JPH2: variants seen among roughly 807,000 people sequenced by gnomAD.
JPH2 encodes junctophilin 2.
In JPH2, 38 loss-of-function variants were observed where a neutral mutation model predicts 55.9. The observed-to-expected ratio is 0.68, with a 90% CI of 0.52 to 0.89. JPH2 has a LOEUF of 0.89. Ranked by LOEUF, JPH2 falls within the 40% of genes least tolerant of loss-of-function variation. JPH2 has a pLI of 0.00. For missense variants in JPH2, 964 were observed against 1,037.6 expected (o/e 0.93, Z 0.97); for synonymous variants, 480 against 472.4 (o/e 1.02, Z -0.21).
At chr20:44,116,499 T>C (rs2072194195) in intron 3 of JPH2, 113 bp from the exon 4 acceptor site, 12 of 1,216,212 alleles carry the variant, frequency 9.9e-6, no homozygotes, top group Non-Finnish European at 1.4e-5. Context: ...GGCACTCACA[T>C]AGCACTGACC....
intron 2 of JPH2, among the ~76,000 whole-genome samples, chr20:44,142,495 C>T (rs1251325257): frequency 6.6e-6 from 1 of 152,158 alleles, no homozygotes; most frequent in East Asian, 1.9e-4. Context: ...AGCACATGCC[C>T]ACCTCAGAGC....
chr20:44,116,826 G>A (rs1198887839), intron 3 of JPH2, among the ~76,000 whole-genome samples: 1 of 152,210 alleles, frequency 6.6e-6, no homozygotes, highest in East Asian at 1.9e-4. Flanking sequence ...TCAGGGCCCC[G>A]CACCGGCATA....
Position 44,160,148 on chromosome 20 carries a change from C to T in JPH2, c.639G>A (p.Arg213=). 2 of 1,432,820 alleles carry T rather than the reference C, an allele frequency of 1.4e-6. No homozygotes were observed. The highest frequency in any genetic ancestry group is 1.4e-5 in the South Asian group (1 of 71,028). The allele number at this position is 1,432,820 out of a possible 1,614,324, so 88.8% of individuals were successfully genotyped here. A position where few individuals can be genotyped will look rare whatever the true frequency, so the allele number is the denominator to read the frequency against. The part of the protein sequence containing the change: ...SLLANAEAAA[R]APKGGGLFQR... ...GGAAGAGGCCGCCGCCCTTGGGCGCCCGCGCGGCCGCCTCGGCATTGGCCA... is the reference window on the plus strand; with the variant it reads ...GGAAGAGGCCGCCGCCCTTGGGCGCTCGCGCGGCCGCCTCGGCATTGGCCA... The change falls in exon 2 of 6, where the codon CGG becomes CGA. Residue 213 remains arginine, a synonymous_variant. Coordinates refer to ENST00000372980, the MANE Select transcript of JPH2 (RefSeq NM_020433.5). This position sits in a 1 kb window ranked among gnomAD's most constrained non-coding sequence, Gnocchi z 4.9.
Position 44,116,197 on chromosome 20 carries a change from T to C in JPH2, c.1478A>G (p.Gln493Arg). 1 of 1,390,430 alleles carries C rather than the reference T, an allele frequency of 7.2e-7. No individual in the cohort carries two copies. The highest frequency in any genetic ancestry group is 9.2e-7 in the Non-Finnish European group (1 of 1,084,016). 86.1% of individuals were successfully genotyped at this position (1,390,430 alleles called of 1,614,324 possible). ...GSPSPAGTPPQPKRPRPGVSK... is the reference protein window; with the variant it reads ...GSPSPAGTPPRPKRPRPGVSK... The stretch of plus-strand genomic sequence containing the variant: ...CACCCCGGGCCTGGGCCGCTTGGGC[T>C]GCGGGGGCGTCCCGGCCGGTGACGG... Residue 493 changes from glutamine (Q) to arginine (R), a missense_variant, in exon 4 of 6, where the codon CAG (glutamine) becomes CGG (arginine). Gln to Arg is a conservative substitution (Grantham distance 43). Coordinates refer to ENST00000372980, the MANE Select transcript of JPH2 (RefSeq NM_020433.5).
chr20:44,159,695 C>G lies in JPH2; in HGVS notation c.1092G>C (p.Gln364His). The G allele has an allele frequency of 6.2e-7, 1 of 1,613,132 alleles. No homozygotes were observed. The highest frequency in any genetic ancestry group is 8.5e-7 in the Non-Finnish European group (1 of 1,179,970). ...MLQLKSNKVR[Q>H]KVEHSVEGAQ... ...CACCCTCCACACTGTGCTCCACTTT[C>G]TGGCGGACCTTGTTGCTCTTGAGCT... The change falls in exon 2 of 6, where the codon CAG becomes CAC. Residue 364 changes from glutamine to histidine, a missense_variant. By Grantham distance (24) the Gln-to-His change is conservative. Coordinates refer to ENST00000372980, the MANE Select transcript of JPH2 (RefSeq NM_020433.5). This position sits in a 1 kb window ranked among gnomAD's most constrained non-coding sequence, Gnocchi z 5.7.
intron 2 of JPH2, among the ~76,000 whole-genome samples, chr20:44,142,962 G>A (rs2072468079): frequency 6.6e-6 from 1 of 152,116 alleles, no homozygotes; most frequent in African/African-American, 2.4e-5. Flanking sequence ...ACCTGGGACT[G>A]GGGAGCCGGG....
In JPH2 at chr20:44,113,462, C is replaced by G. The variant is rs2072161698; in HGVS notation, c.*56G>C. ...TCTTTGGCCACCCTGCCTGGCACTG[C>G]AAAAAGACGGGTCCTCATGTCCTCA... On this transcript the variant is annotated 3_prime_UTR_variant, in exon 6 of 6. Coordinates refer to ENST00000372980, the MANE Select transcript of JPH2 (RefSeq NM_020433.5). The G allele has an allele frequency of 6.6e-6, 1 of 152,242 alleles. No homozygotes were observed. Among genetic ancestry groups the G allele is most frequent in the Admixed American group, 6.5e-5 (1 of 15,272 alleles). The allele number at this position is 152,242 out of a possible 1,614,324, so 9.4% of individuals were successfully genotyped here.
intron 2 of JPH2, among the ~76,000 whole-genome samples, chr20:44,153,197 G>T (rs2072543381): frequency 6.6e-6 from 1 of 152,178 alleles, no homozygotes; most frequent in Non-Finnish European, 1.5e-5. Flanking sequence ...GAATGACACA[G>T]GATTGATAAT....
chr20:44,134,925 T>A (rs796990515), intron 2 of JPH2, among the ~76,000 whole-genome samples: 3 of 44,484 alleles, frequency 6.7e-5, no homozygotes, highest in East Asian at 7.4e-4. Flanking sequence ...ATATATATAT[T>A]TATATATATA....
Position 44,116,125 on chromosome 20 carries a change from C to T in JPH2, c.1550G>A (p.Ser517Asn), listed in dbSNP as rs1372245047. The T allele has an allele frequency of 3.4e-6, 5 of 1,451,192 alleles. No individual in the cohort carries two copies. Among genetic ancestry groups the T allele is most frequent in the South Asian group, 2.8e-5 (2 of 70,228 alleles). The allele number at this position is 1,451,192 out of a possible 1,614,324, so 89.9% of individuals were successfully genotyped here. The change falls in exon 4 of 6, where the codon AGC becomes AAC. Residue 517 changes from serine (S) to asparagine (N), a missense_variant. Coordinates refer to ENST00000372980, the MANE Select transcript of JPH2 (RefSeq NM_020433.5). The stretch of plus-strand genomic sequence containing the variant: ...AGTGACTGACCGGCTGCCCTCACCG[C>T]TGGGCTCGCCGTTCCAGGCGCCTGG... Reference protein sequence around the residue: ...LSPGAWNGEPSGEGSRSVTPS... With the variant: ...LSPGAWNGEPNGEGSRSVTPS...
intron 1 of JPH2, 67 bp downstream of exon 1, chr20:44,186,260 C>A: frequency 6.4e-7 from 1 of 1,573,880 alleles, no homozygotes; most frequent in Non-Finnish European, 8.6e-7. Context: ...GCCTTTCCCA[C>A]CCTCCACCAG....
chr20:44,114,673 C>T, intron 5 of JPH2, 109 bp downstream of exon 5: 1 of 790,466 alleles, frequency 1.3e-6, no homozygotes, highest in Non-Finnish European at 2.1e-6. Flanking sequence ...CAATTAGTCA[C>T]AGGACTGTCA....
chr20:44,134,861 T>A (rs1480232454), intron 2 of JPH2, among the ~76,000 whole-genome samples: 1 of 38,028 alleles, frequency 2.6e-5, no homozygotes, highest in Non-Finnish European at 4.4e-5. Flanking sequence ...TAAATATATA[T>A]ATAAATATAT....
chr20:44,142,534 G>C (rs1004500294), intron 2 of JPH2, among the ~76,000 whole-genome samples: 1 of 152,102 alleles, frequency 6.6e-6, no homozygotes, highest in Admixed American at 6.6e-5. Flanking sequence ...CTCCCGGGCA[G>C]CTCCCCCTGA....
intron 1 of JPH2, among the ~76,000 whole-genome samples, chr20:44,163,706 C>T (rs888058845): frequency 1.1e-4 from 17 of 152,290 alleles, no homozygotes; most frequent in East Asian, 3.9e-4. Flanking sequence ...GTGTATGCTG[C>T]GAGCCCATGG....
At chr20:44,149,321 G>A (rs2072514618) in intron 2 of JPH2, among the ~76,000 whole-genome samples, 1 of 152,200 alleles carries the variant, frequency 6.6e-6, no homozygotes, top group Admixed American at 6.5e-5. Context: ...AAGAGCCATG[G>A]TCCAGGTGTG....
intron 2 of JPH2, among the ~76,000 whole-genome samples, chr20:44,134,865 A>AAT (rs3973739): frequency 4.9e-5 from 3 of 61,254 alleles, no homozygotes; most frequent in Non-Finnish European, 9.1e-5. Flanking sequence ...TATATATATA[A>AAT]ATATATATAT....
intron 1 of JPH2, among the ~76,000 whole-genome samples, chr20:44,176,318 C>T (rs7273988): frequency 0.024 from 2,700 of 113,678 alleles, 45 homozygotes; most frequent in African/African-American, 0.046. Flanking sequence ...TCCTATCTGT[C>T]TTTTTTTTTT....
chr20:44,160,393 G>C lies in JPH2; in HGVS notation c.394C>G (p.Gln132Glu). The change falls in exon 2 of 6, where the codon CAG (glutamine) becomes GAG (glutamate). Residue 132 changes from glutamine (Q) to glutamate (E), a missense_variant. Coordinates refer to ENST00000372980, the MANE Select transcript of JPH2 (RefSeq NM_020433.5). This position sits in a 1 kb window ranked among gnomAD's most constrained non-coding sequence, Gnocchi z 4.9. ...TYADGGTYQGQFTNGMRHGYG... is the reference protein window; with the variant it reads ...TYADGGTYQGEFTNGMRHGYG... ...CCATGGCGCATGCCGTTGGTGAACT[G>C]GCCTTGGTACGTCCCTGCGGGCGAG... The C allele has an allele frequency of 6.2e-7, 1 of 1,609,324 alleles. No homozygotes were observed. Among genetic ancestry groups the C allele is most frequent in the Non-Finnish European group, 8.5e-7 (1 of 1,178,568 alleles).
Sources: allele counts gnomAD v4.1 joint callset (sites outside exome capture counted in the v4.1 genomes callset), GRCh38; gene constraint gnomAD v4.1.1; non-coding constraint Gnocchi (gnomAD v3.1); transcripts MANE v1.5; gene names NCBI Gene and HGNC (gene_info 2026-07-23, HGNC 2026-07-21).